ANTXR2: variants seen among roughly 807,000 people sequenced by gnomAD.
ANTXR2 encodes ANTXR cell adhesion molecule 2, also known as anthrax toxin receptor 2.
A neutral mutation model predicts 73.7 loss-of-function variants in ANTXR2; 44 were observed. The ratio of observed to expected loss-of-function variants is 0.60; its 90% CI spans 0.47 to 0.77. The LOEUF (loss-of-function observed/expected upper bound fraction) is 0.77. Ranked by LOEUF, ANTXR2 falls within the 30% of genes least tolerant of loss-of-function variation. ANTXR2 has a pLI of 0.00. For synonymous variants in ANTXR2, 217 were observed against 205.9 expected, an observed-to-expected ratio of 1.05 and a Z score of -0.46; for missense variants, 604 against 592.5, an observed-to-expected ratio of 1.02 and a Z score of -0.20.
chr4:80,009,201 A>C (rs1257217005), intron 11 of ANTXR2, among the ~76,000 whole-genome samples: 2 of 152,158 alleles, frequency 1.3e-5, no homozygotes, highest in Non-Finnish European at 2.9e-5. Flanking sequence ...CAAAAACCAC[A>C]GTGGTGTTCT....
chr4:79,978,246 TG>T (rs1332040914), intron 14 of ANTXR2, 72 bp from the exon 15 acceptor site: 1 of 1,443,154 alleles, frequency 6.9e-7, no homozygotes, highest in Non-Finnish European at 9.4e-7. Flanking sequence ...ATTGAGCCTA[TG>T]GTCCTTTAGT....
intron 10 of ANTXR2, among the ~76,000 whole-genome samples, chr4:80,020,634 G>T (rs934866272): frequency 2.0e-5 from 3 of 152,128 alleles, no homozygotes; most frequent in Non-Finnish European, 4.4e-5. Context: ...ATACAGCTAG[G>T]ATTCTAACTT....
intron 16 of ANTXR2, among the ~76,000 whole-genome samples, chr4:79,924,071 C>A (rs558903808): frequency 6.6e-6 from 1 of 152,190 alleles, no homozygotes; most frequent in East Asian, 1.9e-4. Context: ...GGGGTTTGGG[C>A]TTCCAGTGAA....
At chr4:80,029,171 C>G (rs1281714946) in intron 10 of ANTXR2, among the ~76,000 whole-genome samples, 1 of 152,126 alleles carries the variant, frequency 6.6e-6, no homozygotes, top group Non-Finnish European at 1.5e-5. Flanking sequence ...AAGTGTATCA[C>G]TAGCCCCGAT....
intron 16 of ANTXR2, among the ~76,000 whole-genome samples, chr4:79,930,975 A>G (rs1200138995): frequency 6.6e-6 from 1 of 152,232 alleles, no homozygotes; most frequent in Non-Finnish European, 1.5e-5. Context: ...GAAAGATTCT[A>G]CAGAATAATT....
In ANTXR2 at chr4:80,028,899, A is replaced by G. The variant is rs545292110; in HGVS notation, c.866+2724T>C. Among the ~76,000 whole-genome samples, 8 of 152,260 alleles carry G rather than the reference A, an allele frequency of 5.3e-5. No individual in the cohort carries two copies. In the South Asian group the frequency reaches 1.5e-3, roughly 28 times the overall value. On this transcript the variant is annotated intron_variant, in intron 10 of 16. Transcript: ENST00000403729. ...TGCAACATACTAAGTAAAATAAATAATGATGTCCCCAAATACCCAGTACAT... is the reference window on the plus strand; with the variant it reads ...TGCAACATACTAAGTAAAATAAATAGTGATGTCCCCAAATACCCAGTACAT...
chr4:79,961,124 T>G (rs892469130), intron 16 of ANTXR2, among the ~76,000 whole-genome samples: 3 of 152,080 alleles, frequency 2.0e-5, no homozygotes, highest in Non-Finnish European at 4.4e-5. Flanking sequence ...CCCCTTGGAC[T>G]GGGTCTTCTG....
intron 3 of ANTXR2, among the ~76,000 whole-genome samples, chr4:80,061,896 T>C (rs896947402): frequency 1.3e-5 from 2 of 152,168 alleles, no homozygotes; most frequent in African/African-American, 2.4e-5. Flanking sequence ...TGTGTTACTA[T>C]ATACTACTGC....
chr4:80,060,635 A>G (rs1734202284), intron 3 of ANTXR2, among the ~76,000 whole-genome samples: 1 of 152,204 alleles, frequency 6.6e-6, no homozygotes, highest in Non-Finnish European at 1.5e-5. Context: ...GATTCATTAC[A>G]GTATATTATT....
intron 16 of ANTXR2, among the ~76,000 whole-genome samples, chr4:79,973,033 C>G (rs1027229628): frequency 7.0e-6 from 1 of 141,860 alleles, no homozygotes; most frequent in African/African-American, 2.7e-5. Context: ...ATTGTCAAAA[C>G]AAAGTGAAAG....
At chr4:79,925,132 G>A (rs967251095) in intron 16 of ANTXR2, among the ~76,000 whole-genome samples, 2 of 152,062 alleles carry the variant, frequency 1.3e-5, no homozygotes, top group African/African-American at 2.4e-5. Flanking sequence ...AAATATTCTT[G>A]TGCTGGCAAA....
chr4:80,073,383 A>G (rs1488500517), upstream of ANTXR2: 1 of 152,204 alleles, frequency 6.6e-6, no homozygotes, highest in African/African-American at 2.4e-5. Flanking sequence ...GTTATCTAGA[A>G]ACTAAACATA....
chr4:79,944,520 C>A (rs1728440766), intron 16 of ANTXR2, among the ~76,000 whole-genome samples: 1 of 149,056 alleles, frequency 6.7e-6, no homozygotes, highest in African/African-American at 2.5e-5. Context: ...AAAATGTGAA[C>A]ATGAGTTCTT....
intron 12 of ANTXR2, among the ~76,000 whole-genome samples, chr4:80,007,761 G>C (rs1010712582): frequency 2.0e-5 from 3 of 152,112 alleles, no homozygotes; most frequent in African/African-American, 4.8e-5. Flanking sequence ...TTAGAAGCTG[G>C]AAAAGGCAAA....
At chr4:80,005,209 T>A (rs1731246495) in intron 12 of ANTXR2, among the ~76,000 whole-genome samples, 1 of 152,126 alleles carries the variant, frequency 6.6e-6, no homozygotes, top group African/African-American at 2.4e-5. Flanking sequence ...CATACGATGC[T>A]CATGGAGGTG....
chr4:79,997,156 C>T (rs144640647), intron 12 of ANTXR2, among the ~76,000 whole-genome samples: 5 of 151,812 alleles, frequency 3.3e-5, no homozygotes, highest in African/African-American at 7.2e-5. Context: ...GCATTCTTTG[C>T]GCTAAAAAAT....
At chr4:79,912,738 G>A (rs767375307) in intron 16 of ANTXR2, among the ~76,000 whole-genome samples, 1 of 151,932 alleles carries the variant, frequency 6.6e-6, no homozygotes, top group Non-Finnish European at 1.5e-5. Context: ...TTTTATAGTA[G>A]TCAAAAATAT....
chr4:79,936,623 G>A (rs1404992866), intron 16 of ANTXR2, among the ~76,000 whole-genome samples: 1 of 151,844 alleles, frequency 6.6e-6, no homozygotes, highest in Non-Finnish European at 1.5e-5. Context: ...TTGGTCTCAG[G>A]GACTGGGAAA....
At chr4:80,017,592 A>G (rs1032395447) in intron 11 of ANTXR2, among the ~76,000 whole-genome samples, 1 of 152,176 alleles carries the variant, frequency 6.6e-6, no homozygotes, top group African/African-American at 2.4e-5. Context: ...TGTGAAAATC[A>G]TGCATTGTTA....
Sources: gnomAD v4.1 joint callset for allele counts (sites outside exome capture counted in the v4.1 genomes callset) on GRCh38, gnomAD v4.1.1 for gene constraint, MANE v1.5 for transcripts, NCBI Gene and HGNC (gene_info 2026-07-23, HGNC 2026-07-21) for gene names.